The following AGPAT4 variants were observed in gnomAD, a reference collection of about 807,000 sequenced individuals.
AGPAT4 encodes the protein 1-acyl-sn-glycerol-3-phosphate acyltransferase delta.
Under a neutral mutation model 48.0 loss-of-function variants are expected in AGPAT4, and 15 were observed. The ratio of observed to expected loss-of-function variants is 0.31; its 90% CI spans 0.21 to 0.48. AGPAT4 has a LOEUF of 0.48. Ranked by LOEUF, AGPAT4 falls within the 20% of genes least tolerant of loss-of-function variation. The pLI is 0.99. For missense variants in AGPAT4, 314 were observed against 482.5 expected (o/e 0.65, Z 3.27); for synonymous variants, 178 against 198.7 (o/e 0.90, Z 0.88).
At chr6:161,162,021 C>T (rs1583292901) in intron 3 of AGPAT4, 1 of 159,428 alleles carries the variant, frequency 6.3e-6, no homozygotes, top group East Asian at 1.8e-4. Context: ...GTTGCCCAGA[C>T]TGGTCTCAAA....
At chr6:161,182,021 T>G (rs913281439) in intron 2 of AGPAT4, among the ~76,000 whole-genome samples, 1 of 152,056 alleles carries the variant, frequency 6.6e-6, no homozygotes, top group African/African-American at 2.4e-5. Context: ...CTGAAAAGGT[T>G]CCTTAGAGGG....
chr6:161,252,122 T>C (rs1362922927), intron 1 of AGPAT4, among the ~76,000 whole-genome samples: 1 of 152,174 alleles, frequency 6.6e-6, no homozygotes, highest in Non-Finnish European at 1.5e-5. Context: ...TGTGCAGCAG[T>C]AGAGGGTGTA....
intron 2 of AGPAT4, among the ~76,000 whole-genome samples, chr6:161,207,334 A>G (rs1270097935): frequency 6.6e-6 from 1 of 152,186 alleles, no homozygotes; most frequent in African/African-American, 2.4e-5. Flanking sequence ...CCTGCCTAAC[A>G]CAAAGACAGG....
Position 161,235,295 on chromosome 6 carries a change from G to A in AGPAT4, c.-89-2993C>T, listed in dbSNP as rs149430724. On this transcript the variant is annotated intron_variant, in intron 1 of 8. Coordinates refer to ENST00000320285, the MANE Select transcript of AGPAT4 (RefSeq NM_020133.3). This position sits in a 1 kb window ranked among gnomAD's most constrained non-coding sequence, Gnocchi z 6.2. Reference sequence around the variant, plus strand: ...CTTTTTAATTTCGTGAAACTTAGGCGGATTCTCAAATTTATATGCAAACGC... The same window carrying A: ...CTTTTTAATTTCGTGAAACTTAGGCAGATTCTCAAATTTATATGCAAACGC... Among the ~76,000 whole-genome samples the A allele has an allele frequency of 1.7e-3, 260 of 152,208 alleles. No individual in the cohort carries two copies. The highest frequency in any genetic ancestry group is 6.0e-3 in the African/African-American group (248 of 41,510).
chr6:161,160,352 C>T (rs1779893053), intron 3 of AGPAT4: 1 of 153,624 alleles, frequency 6.5e-6, no homozygotes, highest in Non-Finnish European at 1.4e-5. Flanking sequence ...GTAGACCTTA[C>T]ACTGCCAGAA....
rs926779989 is a variant in AGPAT4 at position 161,161,055 on chromosome 6, C to T, written c.348+5193G>A. The T allele has an allele frequency of 1.5e-5, 7 of 456,576 alleles. No individual in the cohort carries two copies. The highest frequency in any genetic ancestry group is 1.0e-4 in the African/African-American group (5 of 50,062). 28.3% of individuals were successfully genotyped at this position (456,576 alleles called of 1,614,324 possible). Reference sequence around the variant, plus strand: ...GACAGTTCATGGGATGATACCAAGTCGGTGTACAGCAGACAGCACAGGCTG... The same window carrying T: ...GACAGTTCATGGGATGATACCAAGTTGGTGTACAGCAGACAGCACAGGCTG... On this transcript the variant is annotated intron_variant, in intron 3 of 8. Coordinates refer to ENST00000320285, the MANE Select transcript of AGPAT4 (RefSeq NM_020133.3). The surrounding 1 kb of genome is among the most constrained non-coding windows in gnomAD (Gnocchi z 4.6).
In AGPAT4 at chr6:161,141,297, G is replaced by A. The variant is rs1045090840; in HGVS notation, c.844-1677C>T. Reference sequence around the variant, plus strand: ...GACATCAGCCAAGAGAAGCCATGGGGGCTCTCAGGGGAAGTCACATCATCA... The same window carrying A: ...GACATCAGCCAAGAGAAGCCATGGGAGCTCTCAGGGGAAGTCACATCATCA... On this transcript the variant is annotated intron_variant, in intron 7 of 8. Coordinates refer to ENST00000320285, the MANE Select transcript of AGPAT4 (RefSeq NM_020133.3). The surrounding 1 kb of genome is among the most constrained non-coding windows in gnomAD (Gnocchi z 6.7). Among the ~76,000 whole-genome samples the A allele has an allele frequency of 3.9e-5, 6 of 152,070 alleles. No homozygotes were observed. The highest frequency in any genetic ancestry group is 1.4e-4 in the African/African-American group (6 of 41,408).
intron 1 of AGPAT4, among the ~76,000 whole-genome samples, chr6:161,256,708 C>T (rs1782953762): frequency 6.6e-6 from 1 of 152,302 alleles, no homozygotes; most frequent in Non-Finnish European, 1.5e-5. Context: ...TGACAAAGAG[C>T]GTTCCCGAAA....
chr6:161,174,126 C>A lies in AGPAT4; in HGVS notation c.179-7709G>T, dbSNP rs55778382. Among the ~76,000 whole-genome samples, 251 of 152,278 alleles carry A rather than the reference C, an allele frequency of 1.6e-3. 1 individual carries two copies. Among genetic ancestry groups the A allele is most frequent in the African/African-American group, 5.7e-3 (236 of 41,562 alleles). ...TCAGCCTAGGATTGTCTTGACTATG[C>A]GGGCTCTTTTTTGGTTCCATATGAA... is the stretch of plus-strand genomic sequence containing the variant. On this transcript the variant is annotated intron_variant, in intron 2 of 8. Transcript: ENST00000320285.
chr6:161,166,485 AG>A lies in AGPAT4; in HGVS notation c.179-69del. On this transcript the variant is annotated intron_variant, in intron 2 of 8. Transcript: ENST00000320285. This position sits in a 1 kb window ranked among gnomAD's most constrained non-coding sequence, Gnocchi z 6.7. Reference sequence around the variant, plus strand: ...TTGTCCTGGGAGCCCTGCTGAGAGCAGGGCTCTGCCCTCCCAGCTAGGGGAG... The same window carrying A: ...TTGTCCTGGGAGCCCTGCTGAGAGCAGGCTCTGCCCTCCCAGCTAGGGGAG... The A allele has an allele frequency of 6.6e-7, 1 of 1,509,012 alleles. No individual in the cohort carries two copies. The highest frequency in any genetic ancestry group is 8.9e-7 in the Non-Finnish European group (1 of 1,129,472). 93.5% of individuals were successfully genotyped at this position (1,509,012 alleles called of 1,614,324 possible).
At chr6:161,205,201 C>T (rs1231898245) in intron 2 of AGPAT4, among the ~76,000 whole-genome samples, 2 of 152,184 alleles carry the variant, frequency 1.3e-5, no homozygotes, top group Non-Finnish European at 2.9e-5. Flanking sequence ...TCCCTCCTGG[C>T]TGCCCCACCA....
rs1048315504 is a variant in AGPAT4 at position 161,221,589 on chromosome 6, G to C, written c.178+10447C>G. 1.3e-5 allele frequency among the ~76,000 whole-genome samples: 2 copies of C among 152,188 alleles called. No homozygotes were observed. The highest frequency in any genetic ancestry group is 2.9e-5 in the Non-Finnish European group (2 of 68,038). On this transcript the variant is annotated intron_variant, in intron 2 of 8. Transcript: ENST00000320285. The surrounding 1 kb of genome is among the most constrained non-coding windows in gnomAD (Gnocchi z 4.5). ...AGTAGAAGAAAAGACTTAGAACGCAGACTGGATTCATTTCCTGGGGCTGCC... is the reference window on the plus strand; with the variant it reads ...AGTAGAAGAAAAGACTTAGAACGCACACTGGATTCATTTCCTGGGGCTGCC...
In AGPAT4 at chr6:161,139,557, G is replaced by A. The variant is rs756140825; in HGVS notation, c.907C>T (p.Arg303Trp). ...TFPETPMVPP[R>W]RPWTLVNWLF... ...CAGTTCACGAGGGTCCAGGGCCGCCGGGGGGGCACCATGGGCGTCTCTGGG... is the reference window on the plus strand; with the variant it reads ...CAGTTCACGAGGGTCCAGGGCCGCCAGGGGGGCACCATGGGCGTCTCTGGG... Residue 303 changes from arginine (R) to tryptophan (W), a missense_variant, in exon 8 of 9, where the codon CGG (arginine) becomes TGG (tryptophan). Physicochemically the swap from Arg to Trp is moderately radical, Grantham distance 101 (BLOSUM62 -3). Coordinates refer to ENST00000320285, the MANE Select transcript of AGPAT4 (RefSeq NM_020133.3). The surrounding 1 kb of genome is among the most constrained non-coding windows in gnomAD (Gnocchi z 9.1). 7.4e-6 allele frequency: 12 copies of A among 1,612,560 alleles called. No homozygotes were observed. The highest frequency in any genetic ancestry group is 4.5e-5 in the East Asian group (2 of 44,802).
chr6:161,236,421 C>T lies in AGPAT4; in HGVS notation c.-89-4119G>A, dbSNP rs780268841. On this transcript the variant is annotated intron_variant, in intron 1 of 8. Transcript: ENST00000320285. This position sits in a 1 kb window ranked among gnomAD's most constrained non-coding sequence, Gnocchi z 5.0. ...TTCCCATCAGTGAGCTCAGAAGCAG[C>T]GTTTAACCTTTACTTTTTCCTGAAA... is the stretch of plus-strand genomic sequence containing the variant. Among the ~76,000 whole-genome samples the T allele has an allele frequency of 4.6e-5, 7 of 152,096 alleles. No homozygotes were observed. The highest frequency in any genetic ancestry group is 7.4e-5 in the Non-Finnish European group (5 of 68,024).
At position 161,270,731 on chromosome 6, in the gene AGPAT4, G is replaced by A. The variant is rs1357060632; in HGVS notation, c.-90+3207C>T. On this transcript the variant is annotated intron_variant, in intron 1 of 8. Transcript: ENST00000320285. The surrounding 1 kb of genome is among the most constrained non-coding windows in gnomAD (Gnocchi z 5.3). ...CAGGAGGGGGAGGTTGTGGTGAGCC[G>A]AGATCACGCCATTGCACTCCAGCCT... is the stretch of plus-strand genomic sequence containing the variant. Among the ~76,000 whole-genome samples, 6 of 152,058 alleles carry A rather than the reference G, an allele frequency of 3.9e-5. No homozygotes were observed. The highest frequency in any genetic ancestry group is 9.7e-5 in the African/African-American group (4 of 41,400).
rs1189329483 is a variant in AGPAT4, at chr6:161,202,987, C to T, written c.178+29049G>A. Among the ~76,000 whole-genome samples the T allele has an allele frequency of 6.6e-6, 1 of 152,166 alleles. No individual in the cohort carries two copies. The highest frequency in any genetic ancestry group is 1.5e-5 in the Non-Finnish European group (1 of 68,036). On this transcript the variant is annotated intron_variant, in intron 2 of 8. Coordinates refer to ENST00000320285, the MANE Select transcript of AGPAT4 (RefSeq NM_020133.3). This position sits in a 1 kb window ranked among gnomAD's most constrained non-coding sequence, Gnocchi z 5.4. ...TAAAGATACCAGCCCTTGATTTCTG[C>T]CCCCTACTCTCGAGTCTCCCCACTG...
chr6:161,181,503 C>CGGGGG (rs776492737), intron 2 of AGPAT4, among the ~76,000 whole-genome samples: 33 of 125,936 alleles, frequency 2.6e-4, no homozygotes, highest in Admixed American at 3.1e-4. Flanking sequence ...GTGGGGGTAG[C>CGGGGG]AGGGGGCGGG....
Position 161,229,555 on chromosome 6 carries a change from A to G in AGPAT4, c.178+2481T>C, listed in dbSNP as rs1259175928. On this transcript the variant is annotated intron_variant, in intron 2 of 8. Transcript: ENST00000320285. This position sits in a 1 kb window ranked among gnomAD's most constrained non-coding sequence, Gnocchi z 6.0. ...TTATTTAGAGCAAGGAAAAGGAACC[A>G]GGAAAAGCGAACAGCCCTGCTAACA... is the stretch of plus-strand genomic sequence containing the variant. Among the ~76,000 whole-genome samples the G allele has an allele frequency of 6.6e-6, 1 of 152,196 alleles. No individual in the cohort carries two copies. Among genetic ancestry groups the G allele is most frequent in the Non-Finnish European group, 1.5e-5 (1 of 68,030 alleles).
rs1038527142 is a variant in AGPAT4 at position 161,201,075 on chromosome 6, A to T, written c.178+30961T>A. On this transcript the variant is annotated intron_variant, in intron 2 of 8. Coordinates refer to ENST00000320285, the MANE Select transcript of AGPAT4 (RefSeq NM_020133.3). The surrounding 1 kb of genome is among the most constrained non-coding windows in gnomAD (Gnocchi z 6.0). ...CGATTACAGCTCAGCCGAGGAAGTC[A>T]TCATGAGCCGTGCGGTGTTGCAAAG... Among the ~76,000 whole-genome samples, 1 of 152,178 alleles carries T rather than the reference A, an allele frequency of 6.6e-6. No individual in the cohort carries two copies. Among genetic ancestry groups the T allele is most frequent in the Admixed American group, 6.5e-5 (1 of 15,280 alleles).
Sources: allele counts gnomAD v4.1 joint callset (sites outside exome capture counted in the v4.1 genomes callset), GRCh38; gene constraint gnomAD v4.1.1; non-coding constraint Gnocchi (gnomAD v3.1); transcripts MANE v1.5; gene names NCBI Gene and HGNC (gene_info 2026-07-23, HGNC 2026-07-21).